SFI1: variants seen among roughly 807,000 people sequenced by gnomAD.
SFI1 encodes the protein SFI1 centrin binding protein.
A neutral mutation model predicts 207.5 loss-of-function variants in SFI1; 195 were observed. The observed-to-expected ratio is 0.94, with a 90% CI of 0.84 to 1.06. The LOEUF (loss-of-function observed/expected upper bound fraction) is 1.06. Among genes scored for constraint, SFI1 ranks in the 50% least tolerant of loss-of-function variants. The pLI, the probability that SFI1 is intolerant of heterozygous loss-of-function variation, is 0.00. For missense variants in SFI1, 1,634 were observed against 1,588.0 expected (o/e 1.03, Z -0.49); for synonymous variants, 630 against 598.9 (o/e 1.05, Z -0.76).
Position 31,615,087 on chromosome 22 carries a change from G to T in SFI1, c.3108G>T (p.Gln1036His). 1 of 1,607,744 alleles carries T rather than the reference G, an allele frequency of 6.2e-7. No homozygotes were observed. The change falls in exon 29 of 33, where the codon CAG becomes CAT. Residue 1036 changes from glutamine (Q) to histidine (H), a missense_variant. Coordinates refer to ENST00000400288, the MANE Select transcript of SFI1 (RefSeq NM_001007467.3). ...KPQEHGLGMA[Q>H]PAAPSLTRPF... ...AGGAACATGGCCTAGGCATGGCTCA[G>T]CCAGCAGCCCCCTCCCTGACGCGGC...
chr22:31,536,150 G>A (rs1425019644), intron 4 of SFI1, among the ~76,000 whole-genome samples: 1 of 152,036 alleles, frequency 6.6e-6, no homozygotes, highest in African/African-American at 2.4e-5. Flanking sequence ...GTCCTAGAAG[G>A]GTACCCTGGC....
chr22:31,521,221 T>C, intron 2 of SFI1: 1 of 178,472 alleles, frequency 5.6e-6, no homozygotes, highest in Non-Finnish European at 1.3e-5. Context: ...CTGTTGTTCT[T>C]TCTTCCCAAT....
At chr22:31,601,101 G>C (rs1176788932) in intron 15 of SFI1, among the ~76,000 whole-genome samples, 1 of 148,634 alleles carries the variant, frequency 6.7e-6, no homozygotes, top group Non-Finnish European at 1.5e-5. Context: ...CAAAACAGTG[G>C]TTCCCAAACC....
At chr22:31,595,835 C>T (rs142789533) in intron 15 of SFI1, among the ~76,000 whole-genome samples, 1 of 152,132 alleles carries the variant, frequency 6.6e-6, no homozygotes, top group Admixed American at 6.6e-5. Flanking sequence ...GATATTTGAG[C>T]AGGTACATGG....
chr22:31,520,408 T>A (rs1375771981), intron 2 of SFI1, among the ~76,000 whole-genome samples: 1 of 152,196 alleles, frequency 6.6e-6, no homozygotes, highest in African/African-American at 2.4e-5. Context: ...TCATTATAGT[T>A]ACCAACATTT....
At chr22:31,500,835 T>C (rs1306215246) in intron 1 of SFI1, among the ~76,000 whole-genome samples, 1 of 150,462 alleles carries the variant, frequency 6.6e-6, no homozygotes, top group Admixed American at 6.7e-5. Flanking sequence ...AGTGTTGCTC[T>C]GTCACCCAGG....
Position 31,583,883 on chromosome 22 carries a change from C to G in SFI1, c.1257C>G (p.His419Gln). The G allele has an allele frequency of 6.2e-7, 1 of 1,614,054 alleles. No homozygotes were observed. Among genetic ancestry groups the G allele is most frequent in the Non-Finnish European group, 8.5e-7 (1 of 1,179,930 alleles). The change falls in exon 13 of 33, where the codon CAC becomes CAG. Residue 419 changes from histidine (H) to glutamine (Q), a missense_variant. His to Gln is a conservative substitution (Grantham distance 24). Transcript: ENST00000400288. ...AHQQHGVTLLHRFWNLWRSQI... is the reference protein window; with the variant it reads ...AHQQHGVTLLQRFWNLWRSQI... The stretch of plus-strand genomic sequence containing the variant: ...TTCCTCCCTTGCTTTAGCTGCTGCA[C>G]AGGTTCTGGAACCTCTGGCGGTCTC...
intron 2 of SFI1, among the ~76,000 whole-genome samples, chr22:31,526,103 T>C (rs183864005): frequency 1.1e-4 from 17 of 152,318 alleles, no homozygotes; most frequent in Admixed American, 1.1e-3. Context: ...CTTAATTAGA[T>C]TTAAGTTTTA....
intron 4 of SFI1, among the ~76,000 whole-genome samples, chr22:31,535,930 A>G (rs2058953470): frequency 6.6e-6 from 1 of 152,034 alleles, no homozygotes; most frequent in African/African-American, 2.4e-5. Flanking sequence ...GAGTGAGTCA[A>G]GGTTCGGTTA....
At chr22:31,556,198 C>G (rs2061142064) in intron 6 of SFI1, among the ~76,000 whole-genome samples, 1 of 150,436 alleles carries the variant, frequency 6.6e-6, no homozygotes, top group Admixed American at 6.6e-5. Context: ...CTTTAAATAT[C>G]TATACAATTG....
chr22:31,547,504 T>A (rs1242603228), intron 5 of SFI1, among the ~76,000 whole-genome samples: 1 of 151,730 alleles, frequency 6.6e-6, no homozygotes, highest in East Asian at 1.9e-4. Flanking sequence ...AGAGACAGGG[T>A]TATTTCATGT....
intron 15 of SFI1, among the ~76,000 whole-genome samples, chr22:31,596,229 G>T (rs572928872): frequency 6.6e-6 from 1 of 152,090 alleles, no homozygotes; most frequent in Non-Finnish European, 1.5e-5. Context: ...CTCCAGCCTT[G>T]GATGACAGAG....
At position 31,593,365 on chromosome 22, in the gene SFI1, G is replaced by A. The variant is rs201930003; in HGVS notation, c.1544+3788G>A. Reference sequence around the variant, plus strand: ...CTCCTCACATCCCAGATGGGACGGCGGGGCAGAGGCGCTCCCCACATCTCA... The same window carrying A: ...CTCCTCACATCCCAGATGGGACGGCAGGGCAGAGGCGCTCCCCACATCTCA... On this transcript the variant is annotated intron_variant, in intron 15 of 32. Coordinates refer to ENST00000400288, the MANE Select transcript of SFI1 (RefSeq NM_001007467.3). 0.016 allele frequency among the ~76,000 whole-genome samples: 2,232 copies of A among 138,828 alleles called. 215 individuals carry two copies. In the East Asian group the frequency reaches 0.3, roughly 19 times the overall value. 91.1% of individuals were successfully genotyped at this position (138,828 alleles called of 152,430 possible).
At chr22:31,588,169 C>T (rs1245819669) in intron 14 of SFI1, among the ~76,000 whole-genome samples, 1 of 152,182 alleles carries the variant, frequency 6.6e-6, no homozygotes, top group African/African-American at 2.4e-5. Flanking sequence ...TTAGAATTAT[C>T]TAGACGTTTT....
intron 31 of SFI1, 95 bp from the exon 32 acceptor site, chr22:31,618,020 C>A: frequency 7.3e-7 from 1 of 1,370,230 alleles, no homozygotes; most frequent in Non-Finnish European, 9.8e-7. Flanking sequence ...CCACCCGATA[C>A]CCGCATCAGA....
chr22:31,514,775 CTTT>C (rs1219405122), intron 2 of SFI1, among the ~76,000 whole-genome samples: 1 of 141,080 alleles, frequency 7.1e-6, no homozygotes. Context: ...GAATTTCTTC[CTTT>C]TTTTTTTTTT....
At chr22:31,549,798 G>A (rs1245858102) in intron 5 of SFI1, among the ~76,000 whole-genome samples, 1 of 151,030 alleles carries the variant, frequency 6.6e-6, no homozygotes, top group Non-Finnish European at 1.5e-5. Flanking sequence ...GTGATTGTAG[G>A]AAATGAAATT....
At chr22:31,563,501 GAGCCAC>G (rs2061939242) in intron 8 of SFI1, among the ~76,000 whole-genome samples, 1 of 152,128 alleles carries the variant, frequency 6.6e-6, no homozygotes, top group Non-Finnish European at 1.5e-5. Context: ...CCCTTTCTAA[GAGCCAC>G]TTTGAGAGGC....
At chr22:31,611,631 G>A in intron 23 of SFI1, 135 bp from the exon 24 acceptor site, 1 of 890,600 alleles carries the variant, frequency 1.1e-6, no homozygotes, top group Non-Finnish European at 1.7e-6. Flanking sequence ...CTATGCAGGA[G>A]ACCCCTGGCA....
Sources: allele counts gnomAD v4.1 joint callset (sites outside exome capture counted in the v4.1 genomes callset), GRCh38; gene constraint gnomAD v4.1.1; transcripts MANE v1.5; gene names NCBI Gene and HGNC (gene_info 2026-07-23, HGNC 2026-07-21).